The following CD4 variants were observed in gnomAD, a reference collection of about 807,000 sequenced individuals.
CD4 encodes the protein CD4 molecule, also known as T-cell surface glycoprotein CD4.
In CD4, 25 loss-of-function variants were observed where a neutral mutation model predicts 50.5. The observed-to-expected ratio is 0.49, with a 90% confidence interval of 0.36 to 0.69. The LOEUF (loss-of-function observed/expected upper bound fraction) is 0.69, where lower values mean the gene tolerates loss of function less well. Ranked by LOEUF, CD4 falls within the 30% of genes least tolerant of loss-of-function variation. The pLI, the probability that CD4 is intolerant of heterozygous loss-of-function variation, is 0.00. For synonymous variants in CD4, 207 were observed against 221.9 expected (o/e 0.93, Z 0.60); for missense variants, 456 against 548.5 (o/e 0.83, Z 1.68).
chr12:6,794,775 G>GTTTTGTTTTTTT (rs1942313259), intron 1 of CD4, among the ~76,000 whole-genome samples: 1 of 112,542 alleles, frequency 8.9e-6, no homozygotes, highest in Non-Finnish European at 1.8e-5. Context: ...CTGTATGTCT[G>GTTTTGTTTTTTT]TTTTTTTTTT....
chr12:6,817,879 A>T (rs59292763), intron 7 of CD4, among the ~76,000 whole-genome samples: 6,127 of 151,474 alleles, frequency 0.04, 370 homozygotes, highest in African/African-American at 0.14. Flanking sequence ...GCACACACAC[A>T]CTTACACATT....
chr12:6,791,814 G>A (rs1591538915), intron 1 of CD4, among the ~76,000 whole-genome samples: 1 of 152,308 alleles, frequency 6.6e-6, no homozygotes, highest in East Asian at 1.9e-4. Context: ...CCTGGGAGAC[G>A]GAGGCTGCAG....
intron 1 of CD4, among the ~76,000 whole-genome samples, chr12:6,791,502 C>G (rs577754717): frequency 1.3e-3 from 204 of 152,332 alleles, no homozygotes; most frequent in African/African-American, 4.1e-3. Flanking sequence ...CTTGGCCTCC[C>G]AAAGTGCTGG....
chr12:6,817,633 T>C (rs1305174227), intron 7 of CD4, among the ~76,000 whole-genome samples: 1 of 151,936 alleles, frequency 6.6e-6, no homozygotes, highest in Non-Finnish European at 1.5e-5. Context: ...GCTCCTGGCT[T>C]TTCTCCAAAT....
At chr12:6,790,353 C>T (rs1942120173) in intron 1 of CD4, among the ~76,000 whole-genome samples, 1 of 152,146 alleles carries the variant, frequency 6.6e-6, no homozygotes, top group Non-Finnish European at 1.5e-5. Context: ...CTTCTTTGCT[C>T]TTTTAAGATT....
At chr12:6,811,218 G>A (rs965008142) in intron 3 of CD4, among the ~76,000 whole-genome samples, 2 of 152,128 alleles carry the variant, frequency 1.3e-5, no homozygotes, top group Non-Finnish European at 2.9e-5. Context: ...TACATTCTAA[G>A]TAAAAACAAA....
intron 3 of CD4, among the ~76,000 whole-genome samples, chr12:6,808,895 G>T (rs368642841): frequency 6.6e-6 from 1 of 151,964 alleles, no homozygotes; most frequent in Admixed American, 6.6e-5. Context: ...AAAACTTTTG[G>T]GGGGGGCAAT....
In CD4 at chr12:6,816,196, T is replaced by G; in HGVS notation, c.748T>G (p.Ser250Ala). Residue 250 changes from serine to alanine, a missense_variant, in exon 6 of 10, where the codon TCT (serine) becomes GCT (alanine). Coordinates refer to ENST00000011653, the MANE Select transcript of CD4 (RefSeq NM_000616.5). This position sits in a 1 kb window ranked among gnomAD's most constrained non-coding sequence, Gnocchi z 4.9. ...WQAERASSSK[S>A]WITFDLKNKE... is the part of the protein sequence containing the mutation. ...GGCGGAGAGGGCTTCCTCCTCCAAG[T>G]CTTGGATCACCTTTGACCTGAAGAA... The G allele has an allele frequency of 6.2e-7, 1 of 1,614,112 alleles. No homozygotes were observed.
intron 3 of CD4, among the ~76,000 whole-genome samples, chr12:6,802,319 C>CT (rs575781462): frequency 0.011 from 1,608 of 140,926 alleles, 14 homozygotes; most frequent in East Asian, 0.042. Flanking sequence ...TTCTTCCAAT[C>CT]TTTTTTTTTT....
intron 3 of CD4, among the ~76,000 whole-genome samples, chr12:6,810,992 G>A (rs1177239992): frequency 6.6e-6 from 1 of 152,132 alleles, no homozygotes; most frequent in Non-Finnish European, 1.5e-5. Flanking sequence ...AGGTTGTCTG[G>A]AAGGGGCTCC....
At chr12:6,807,857 G>A (rs1208255422) in intron 3 of CD4, among the ~76,000 whole-genome samples, 2 of 151,984 alleles carry the variant, frequency 1.3e-5, no homozygotes, top group East Asian at 1.9e-4. Flanking sequence ...GAGACGGGTG[G>A]ATGGCTTGAG....
At chr12:6,791,194 G>C (rs546378725) in intron 1 of CD4, among the ~76,000 whole-genome samples, 6 of 152,318 alleles carry the variant, frequency 3.9e-5, no homozygotes, top group East Asian at 1.9e-4. Context: ...CCGTAATGGC[G>C]GGGTGGTGCT....
intron 7 of CD4, among the ~76,000 whole-genome samples, chr12:6,817,830 G>T (rs1483512167): frequency 6.8e-6 from 1 of 148,124 alleles, no homozygotes; most frequent in African/African-American, 2.5e-5. Flanking sequence ...CTCACACACT[G>T]TCACACACTC....
At chr12:6,812,274 C>G (rs1942960908) in intron 3 of CD4, among the ~76,000 whole-genome samples, 1 of 152,134 alleles carries the variant, frequency 6.6e-6, no homozygotes. Flanking sequence ...TGGTGTACAC[C>G]TGTAATCCCA....
rs782762639 is a variant in CD4, at chr12:6,815,134, G to A, written c.607+142G>A. On this transcript the variant is annotated intron_variant, in intron 5 of 9. Coordinates refer to ENST00000011653, the MANE Select transcript of CD4 (RefSeq NM_000616.5). ...ACTAGGTCCCCTAGAGCTGAGGCCT[G>A]TCTTGAAGGACTCACTGGGGCCCTC... is the stretch of plus-strand genomic sequence containing the variant. 1.9e-4 allele frequency: 121 copies of A among 636,006 alleles called. 1 individual carries two copies. In the South Asian group the frequency reaches 2.3e-3, roughly 12 times the overall value. The allele number at this position is 636,006 out of a possible 1,614,324, so 39.4% of individuals were successfully genotyped here. A position where few individuals can be genotyped will look rare whatever the true frequency, so the allele number is the denominator to read the frequency against.
intron 9 of CD4, 84 bp from the exon 10 acceptor site, chr12:6,819,215 C>G (rs782034289): frequency 2.2e-6 from 3 of 1,355,984 alleles, no homozygotes; most frequent in Non-Finnish European, 3.2e-6. Flanking sequence ...AGCTGTGCTG[C>G]GCTGGAAAGG....
chr12:6,793,876 C>A (rs1314026354), intron 1 of CD4, among the ~76,000 whole-genome samples: 1 of 151,628 alleles, frequency 6.6e-6, no homozygotes, highest in Non-Finnish European at 1.5e-5. Flanking sequence ...TGGTCTCAAA[C>A]TCCTGGCCTC....
At chr12:6,801,213 A>AC (rs1307097419) in intron 3 of CD4, among the ~76,000 whole-genome samples, 1 of 151,152 alleles carries the variant, frequency 6.6e-6, no homozygotes, top group Non-Finnish European at 1.5e-5. Context: ...GCCAAAAAAA[A>AC]TTTTTTTAAT....
rs1016019761 is a variant in CD4, at chr12:6,789,546, G to A, written c.-184G>A. The A allele has an allele frequency of 6.6e-6, 1 of 152,232 alleles. No homozygotes were observed. The highest frequency in any genetic ancestry group is 1.5e-5 in the Non-Finnish European group (1 of 68,060). 9.4% of individuals were successfully genotyped at this position (152,232 alleles called of 1,614,324 possible). A position where few individuals can be genotyped will look rare whatever the true frequency, so the allele number is the denominator to read the frequency against. ...TTCCTGTCTCTCTTCATTTAAGCAC[G>A]ACTCTGCAGAAGGAACAAAGCACCC... On this transcript the variant is annotated 5_prime_UTR_variant, in exon 1 of 10. Coordinates refer to ENST00000011653, the MANE Select transcript of CD4 (RefSeq NM_000616.5).
Sources: allele counts gnomAD v4.1 joint callset (sites outside exome capture counted in the v4.1 genomes callset), GRCh38; gene constraint gnomAD v4.1.1; non-coding constraint Gnocchi (gnomAD v3.1); transcripts MANE v1.5; gene names NCBI Gene and HGNC (gene_info 2026-07-23, HGNC 2026-07-21).